Variants in DOT1L observed in about 807,000 individuals in gnomAD.
The protein encoded by DOT1L is DOT1 like histone lysine methyltransferase, also known as histone-lysine N-methyltransferase, H3 lysine-79 specific.
In DOT1L, 33 loss-of-function variants were observed where a neutral mutation model predicts 153.3. That is an observed-to-expected ratio of 0.22 (90% CI 0.16 to 0.29). The LOEUF (loss-of-function observed/expected upper bound fraction) is 0.29. Ranked by LOEUF, DOT1L falls within the 10% of genes least tolerant of loss-of-function variation. The pLI, the probability that DOT1L is intolerant of heterozygous loss-of-function variation, is 1.00. For synonymous variants in DOT1L, 1,135 were observed against 965.1 expected (o/e 1.18, Z -3.26); for missense variants, 1,847 against 2,119.9 (o/e 0.87, Z 2.53).
rs1431113149 is a variant in DOT1L at position 2,232,390 on chromosome 19, A to G, written c.*2598A>G. 1.0e-5 allele frequency: 2 copies of G among 193,368 alleles called. No individual in the cohort carries two copies. Among genetic ancestry groups the G allele is most frequent in the Non-Finnish European group, 2.1e-5 (2 of 95,658 alleles). 12.0% of individuals were successfully genotyped at this position (193,368 alleles called of 1,614,324 possible). ...GTGGTCAGACCCCCCTCCCAACACA[A>G]CACGCTGCTGGTCTGTGTCAGCCTT... On this transcript the variant is annotated 3_prime_UTR_variant, in exon 28 of 28. Transcript: ENST00000398665.
At chr19:2,167,385 CCCTGGTGTCCCCGCCCGCATG>C (rs756185446) in intron 1 of DOT1L, among the ~76,000 whole-genome samples, 3 of 152,232 alleles carry the variant, frequency 2.0e-5, no homozygotes, top group Non-Finnish European at 4.4e-5. Context: ...GTGAAGGCAG[CCCTGGTGTCCCCGCCCGCATG>C]CCTGCTGCCC....
At chr19:2,165,153 T>G (rs1425894344) in intron 1 of DOT1L, among the ~76,000 whole-genome samples, 2 of 152,108 alleles carry the variant, frequency 1.3e-5, no homozygotes, top group Non-Finnish European at 2.9e-5. Flanking sequence ...CTGGCCACGC[T>G]CCGGGCTGGG....
In DOT1L at chr19:2,193,309, G is replaced by GT; in HGVS notation, c.494-379dup. On this transcript the variant is annotated intron_variant, in intron 5 of 27. Coordinates refer to ENST00000398665, the MANE Select transcript of DOT1L (RefSeq NM_032482.3). The surrounding 1 kb of genome is among the most constrained non-coding windows in gnomAD (Gnocchi z 5.9). ...TTATCAGCCAGGTTGCTGTGTGTCT[G>GT]TGTGCTGGTGACGTGGGGATAATTT... is the stretch of plus-strand genomic sequence containing the variant. 6.6e-6 allele frequency among the ~76,000 whole-genome samples: 1 copy of GT among 152,222 alleles called. No individual in the cohort carries two copies. Among genetic ancestry groups the GT allele is most frequent in the Admixed American group, 6.5e-5 (1 of 15,288 alleles).
Position 2,207,737 on chromosome 19 carries a change from C to T in DOT1L, c.963+57C>T, listed in dbSNP as rs539927233. 4.3e-5 allele frequency: 62 copies of T among 1,439,464 alleles called. No individual in the cohort carries two copies. In the East Asian group the frequency reaches 9.7e-4, roughly 22 times the overall value. The allele number at this position is 1,439,464 out of a possible 1,614,324, so 89.2% of individuals were successfully genotyped here. ...CCGTCCTGGTCTTCCACCCCGCCCA[C>T]GTCACACTGCTCTCTCCTTTCTCAT... On this transcript the variant is annotated intron_variant, in intron 11 of 27. Transcript: ENST00000398665. The surrounding 1 kb of genome is among the most constrained non-coding windows in gnomAD (Gnocchi z 4.5).
chr19:2,219,574 G>GGCA (rs373689350), intron 22 of DOT1L, among the ~76,000 whole-genome samples: 6 of 152,280 alleles, frequency 3.9e-5, no homozygotes, highest in African/African-American at 1.2e-4. Context: ...TGTGAGCGCT[G>GGCA]GGGTCCAGGT....
chr19:2,184,083 A>G (rs1454185794), intron 2 of DOT1L, among the ~76,000 whole-genome samples: 1 of 152,178 alleles, frequency 6.6e-6, no homozygotes, highest in Non-Finnish European at 1.5e-5. Context: ...GACTGAGTGA[A>G]GACCGTGCGG....
At chr19:2,211,019 G>T in intron 14 of DOT1L, 80 bp from the exon 15 acceptor site, 1 of 1,493,304 alleles carries the variant, frequency 6.7e-7, no homozygotes, top group Non-Finnish European at 9.2e-7. Flanking sequence ...GGGGTTGCTG[G>T]GCACCTGCCC....
chr19:2,192,454 C>G (rs1051463880), intron 5 of DOT1L, among the ~76,000 whole-genome samples: 3 of 151,908 alleles, frequency 2.0e-5, no homozygotes, highest in African/African-American at 7.3e-5. Context: ...GATCTGAGCT[C>G]CTGAGGTCAG....
chr19:2,214,311 C>T (rs539238288), intron 18 of DOT1L, 160 bp from the exon 19 acceptor site: 17 of 1,270,254 alleles, frequency 1.3e-5, no homozygotes, highest in Admixed American at 8.2e-5. Context: ...CCAGTCTCCG[C>T]GTGTTCCGCA....
chr19:2,227,797 G>T (rs762581039), intron 27 of DOT1L: 1 of 1,309,356 alleles, frequency 7.6e-7, no homozygotes, highest in South Asian at 1.2e-5. Flanking sequence ...CGTGTCGGCC[G>T]CGGGGCTGCA....
intron 1 of DOT1L, among the ~76,000 whole-genome samples, chr19:2,167,856 C>T (rs2019985982): frequency 6.6e-6 from 1 of 151,940 alleles, no homozygotes; most frequent in Non-Finnish European, 1.5e-5. Flanking sequence ...CTGCCTCAGC[C>T]TCCCCAGTAG....
chr19:2,179,357 G>A (rs1362930928), intron 1 of DOT1L, among the ~76,000 whole-genome samples: 1 of 149,276 alleles, frequency 6.7e-6, no homozygotes, highest in Non-Finnish European at 1.5e-5. Context: ...GAGGCTGCAC[G>A]GCTGCCTGGG....
intron 25 of DOT1L, among the ~76,000 whole-genome samples, 188 bp from the exon 26 acceptor site, chr19:2,225,200 G>T (rs1384811714): frequency 6.6e-6 from 1 of 152,126 alleles, no homozygotes; most frequent in African/African-American, 2.4e-5. Flanking sequence ...TGGCACAACA[G>T]GGGTGGATCC....
intron 3 of DOT1L, among the ~76,000 whole-genome samples, chr19:2,187,550 G>A (rs1224827988): frequency 6.6e-6 from 1 of 152,188 alleles, no homozygotes; most frequent in Non-Finnish European, 1.5e-5. Context: ...AGCCTGCCAG[G>A]GAAGAGTCTC....
chr19:2,229,883 C>G lies in DOT1L; in HGVS notation c.*91C>G. The G allele has an allele frequency of 1.2e-6, 2 of 1,608,304 alleles. No homozygotes were observed. Among genetic ancestry groups the G allele is most frequent in the Non-Finnish European group, 1.7e-6 (2 of 1,178,184 alleles). ...TGCCCGCCGGCCTGCCGGGCTCCCA[C>G]CCCTGGACGGCAGAGGCAAGGACGG... On this transcript the variant is annotated 3_prime_UTR_variant, in exon 28 of 28. Transcript: ENST00000398665.
At position 2,226,158 on chromosome 19, in the gene DOT1L, G is replaced by A. The variant is rs555574627; in HGVS notation, c.3662-25G>A. On this transcript the variant is annotated intron_variant, in intron 26 of 27. Transcript: ENST00000398665. Reference sequence around the variant, plus strand: ...GCCCGGGCAGGTGCTCTGGGCTCACGGCTTCTGCCTTTCCTCTTTGCCAGG... The same window carrying A: ...GCCCGGGCAGGTGCTCTGGGCTCACAGCTTCTGCCTTTCCTCTTTGCCAGG... 72 of 1,502,376 alleles carry A rather than the reference G, an allele frequency of 4.8e-5. 1 individual carries two copies. The highest frequency in any genetic ancestry group is 3.5e-4 in the South Asian group (26 of 73,342). The allele number at this position is 1,502,376 out of a possible 1,614,324, so 93.1% of individuals were successfully genotyped here. A position where few individuals can be genotyped will look rare whatever the true frequency, so the allele number is the denominator to read the frequency against.
At position 2,220,524 on chromosome 19, in the gene DOT1L, C is replaced by T. The variant is rs868482835; in HGVS notation, c.2806+302C>T. On this transcript the variant is annotated intron_variant, in intron 23 of 27. Coordinates refer to ENST00000398665, the MANE Select transcript of DOT1L (RefSeq NM_032482.3). This position sits in a 1 kb window ranked among gnomAD's most constrained non-coding sequence, Gnocchi z 4.5. ...CAGTGCTCTCGGGGGCTCCTGTACTCACAGCTGGGAGGCCCCTGACTCAGG... is the reference window on the plus strand; with the variant it reads ...CAGTGCTCTCGGGGGCTCCTGTACTTACAGCTGGGAGGCCCCTGACTCAGG... 3.5e-5 allele frequency: 18 copies of T among 518,266 alleles called. 1 individual carries two copies. The Middle Eastern group carries it at 4.4e-3, about 126-fold the overall frequency. 32.1% of individuals were successfully genotyped at this position (518,266 alleles called of 1,614,324 possible). A position where few individuals can be genotyped will look rare whatever the true frequency, so the allele number is the denominator to read the frequency against.
chr19:2,190,937 G>T lies in DOT1L; in HGVS notation c.265-75G>T. On this transcript the variant is annotated intron_variant, in intron 4 of 27. Coordinates refer to ENST00000398665, the MANE Select transcript of DOT1L (RefSeq NM_032482.3). The surrounding 1 kb of genome is among the most constrained non-coding windows in gnomAD (Gnocchi z 4.8). The stretch of plus-strand genomic sequence containing the variant: ...CCGACTCCCTGCTTCCGCTGGGAAA[G>T]GTCCCGGGTCTTGGTGGTGGAGGGG... 5 of 1,388,628 alleles carry T rather than the reference G, an allele frequency of 3.6e-6. No homozygotes were observed. Among genetic ancestry groups the T allele is most frequent in the Non-Finnish European group, 4.9e-6 (5 of 1,026,216 alleles). 86.0% of individuals were successfully genotyped at this position (1,388,628 alleles called of 1,614,324 possible).
rs1222661659 is a variant in DOT1L, at chr19:2,232,081, T to C, written c.*2289T>C. 1.9e-5 allele frequency: 4 copies of C among 212,544 alleles called. No homozygotes were observed. Among genetic ancestry groups the C allele is most frequent in the South Asian group, 3.7e-4 (2 of 5,390 alleles). The allele number at this position is 212,544 out of a possible 1,614,324, so 13.2% of individuals were successfully genotyped here. A position where few individuals can be genotyped will look rare whatever the true frequency, so the allele number is the denominator to read the frequency against. ...CGGGTGGCAGGGTGGCTGTGGAGACTGGGGATCTGGAGCCTGGTGCTGGCA... is the reference window on the plus strand; with the variant it reads ...CGGGTGGCAGGGTGGCTGTGGAGACCGGGGATCTGGAGCCTGGTGCTGGCA... On this transcript the variant is annotated 3_prime_UTR_variant, in exon 28 of 28. Coordinates refer to ENST00000398665, the MANE Select transcript of DOT1L (RefSeq NM_032482.3).
Sources: allele counts gnomAD v4.1 joint callset (sites outside exome capture counted in the v4.1 genomes callset), GRCh38; gene constraint gnomAD v4.1.1; non-coding constraint Gnocchi (gnomAD v3.1); transcripts MANE v1.5; gene names NCBI Gene and HGNC (gene_info 2026-07-23, HGNC 2026-07-21).